PAPPA2: variants seen among roughly 807,000 people sequenced by gnomAD.
PAPPA2 encodes the protein pappalysin 2, also known as pappalysin-2.
In PAPPA2, 86 loss-of-function variants were observed where a neutral mutation model predicts 176.4. The observed-to-expected ratio is 0.49, with a 90% CI of 0.41 to 0.58. PAPPA2 has a LOEUF of 0.58. PAPPA2 is among the 20% of genes least tolerant of loss of function. The probability of loss-of-function intolerance (pLI) is 0.00; values close to 1 mark genes in which losing one functional copy is unlikely to be tolerated. For synonymous variants in PAPPA2, 809 were observed against 852.2 expected (o/e 0.95, Z 0.88); for missense variants, 2,073 against 2,256.9 (o/e 0.92, Z 1.65).
chr1:176,617,956 A>G (rs1655365516), intron 3 of PAPPA2, among the ~76,000 whole-genome samples: 1 of 152,158 alleles, frequency 6.6e-6, no homozygotes, highest in Non-Finnish European at 1.5e-5. Flanking sequence ...CTTGTCTGAA[A>G]ATCTAAGCTG....
At chr1:176,741,002 G>A (rs925525720) in intron 14 of PAPPA2, among the ~76,000 whole-genome samples, 4 of 152,072 alleles carry the variant, frequency 2.6e-5, no homozygotes, top group African/African-American at 9.7e-5. Context: ...AAATTCTGGT[G>A]CCACAAAGCT....
chr1:176,509,768 C>G (rs534195020), intron 1 of PAPPA2, among the ~76,000 whole-genome samples: 7 of 151,584 alleles, frequency 4.6e-5, no homozygotes, highest in Admixed American at 4.6e-4. Flanking sequence ...TTTGGGAGAC[C>G]GAGGCTGGCA....
chr1:176,653,926 G>GT (rs1456946748), intron 3 of PAPPA2, among the ~76,000 whole-genome samples: 1 of 151,338 alleles, frequency 6.6e-6, no homozygotes, highest in Non-Finnish European at 1.5e-5. Flanking sequence ...GGATTTCTTC[G>GT]TACCTCTTCA....
At chr1:176,730,184 A>G (rs187286487) in intron 12 of PAPPA2, among the ~76,000 whole-genome samples, 6 of 152,052 alleles carry the variant, frequency 3.9e-5, no homozygotes, top group Admixed American at 6.5e-5. Flanking sequence ...AGCCACTTGT[A>G]TAAAATAAGG....
chr1:176,639,139 TG>T (rs1656912396), intron 3 of PAPPA2, among the ~76,000 whole-genome samples: 1 of 152,064 alleles, frequency 6.6e-6, no homozygotes, highest in Admixed American at 6.6e-5. Flanking sequence ...CTGGGAGAAA[TG>T]CCAGATGAAA....
intron 1 of PAPPA2, among the ~76,000 whole-genome samples, chr1:176,469,136 A>G (rs1006630170): frequency 1.6e-4 from 24 of 152,342 alleles, no homozygotes; most frequent in African/African-American, 5.5e-4. Context: ...CATTGGTCTC[A>G]ATAACTAACA....
At chr1:176,583,327 A>G (rs919739852) in intron 2 of PAPPA2, among the ~76,000 whole-genome samples, 21 of 151,296 alleles carry the variant, frequency 1.4e-4, no homozygotes, top group Admixed American at 1.4e-3. Flanking sequence ...TTGTTTTTTG[A>G]AATAGTTCCA....
chr1:176,602,669 G>A (rs1398201345), intron 3 of PAPPA2, among the ~76,000 whole-genome samples: 1 of 152,018 alleles, frequency 6.6e-6, no homozygotes, highest in Non-Finnish European at 1.5e-5. Context: ...GGTAGAAGAG[G>A]GCAGGAAGAA....
At chr1:176,559,720 T>A (rs1216502176) in intron 2 of PAPPA2, among the ~76,000 whole-genome samples, 1 of 152,208 alleles carries the variant, frequency 6.6e-6, no homozygotes, top group Non-Finnish European at 1.5e-5. Flanking sequence ...TAGAATCATG[T>A]CCCTGGGAGC....
At chr1:176,698,270 T>A (rs1660476685) in intron 7 of PAPPA2, among the ~76,000 whole-genome samples, 1 of 152,202 alleles carries the variant, frequency 6.6e-6, no homozygotes. Context: ...CTAAACATTA[T>A]CACTTATTTT....
chr1:176,558,459 C>T (rs1293017965), intron 2 of PAPPA2, among the ~76,000 whole-genome samples: 4 of 152,176 alleles, frequency 2.6e-5, no homozygotes, highest in South Asian at 2.1e-4. Flanking sequence ...ACATCCCTTC[C>T]GGACACTCTG....
chr1:176,818,747 T>C (rs557898226), intron 21 of PAPPA2, among the ~76,000 whole-genome samples: 1 of 152,228 alleles, frequency 6.6e-6, no homozygotes, highest in South Asian at 2.1e-4. Flanking sequence ...GTAAGTGAAA[T>C]AATAATGCTC....
chr1:176,557,382 C>T (rs1651384083), intron 2 of PAPPA2, 141 bp downstream of exon 2: 5 of 953,352 alleles, frequency 5.2e-6, no homozygotes, highest in Non-Finnish European at 6.1e-6. Flanking sequence ...GGGGGAAGGG[C>T]CTTTATTAAT....
intron 3 of PAPPA2, among the ~76,000 whole-genome samples, chr1:176,650,104 A>G (rs1379194296): frequency 6.6e-6 from 1 of 151,548 alleles, no homozygotes; most frequent in Admixed American, 6.6e-5. Context: ...ATTTATAATC[A>G]TTATATTATC....
intron 12 of PAPPA2, among the ~76,000 whole-genome samples, chr1:176,726,436 G>T (rs1358704764): frequency 6.6e-6 from 1 of 152,180 alleles, no homozygotes; most frequent in South Asian, 2.1e-4. Flanking sequence ...GCTTATTGTA[G>T]TGTTCAAAAC....
intron 1 of PAPPA2, among the ~76,000 whole-genome samples, chr1:176,522,383 CCT>C (rs914725760): frequency 6.6e-5 from 10 of 152,098 alleles, no homozygotes; most frequent in Admixed American, 5.9e-4. Context: ...TGTCATGGTT[CCT>C]CTCTCTCCCT....
intron 1 of PAPPA2, among the ~76,000 whole-genome samples, chr1:176,494,844 G>A (rs1647512066): frequency 6.6e-6 from 1 of 152,234 alleles, no homozygotes; most frequent in African/African-American, 2.4e-5. Flanking sequence ...CAAGCAACCT[G>A]AGTGGGGAAC....
intron 12 of PAPPA2, among the ~76,000 whole-genome samples, chr1:176,738,864 A>G (rs1662539217): frequency 6.6e-6 from 1 of 151,546 alleles, no homozygotes; most frequent in African/African-American, 2.4e-5. Context: ...CTATCAAAGG[A>G]TTTCTAAGGA....
chr1:176,830,283 G>A (rs1667035972), intron 21 of PAPPA2, among the ~76,000 whole-genome samples: 1 of 152,202 alleles, frequency 6.6e-6, no homozygotes, highest in South Asian at 2.1e-4. Context: ...AAAGGTAAGA[G>A]GAGTGAAATA....
Sources: gnomAD v4.1 joint callset for allele counts (sites outside exome capture counted in the v4.1 genomes callset) on GRCh38, gnomAD v4.1.1 for gene constraint, MANE v1.5 for transcripts, NCBI Gene and HGNC (gene_info 2026-07-23, HGNC 2026-07-21) for gene names.